The following UBE4B variants were observed in gnomAD, a reference collection of about 807,000 sequenced individuals.
UBE4B encodes ubiquitin conjugation factor E4 B.
UBE4B carries 27 observed loss-of-function variants against 148.1 expected under a neutral mutation model. The ratio of observed to expected loss-of-function variants is 0.18; its 90% CI spans 0.13 to 0.25. UBE4B has a LOEUF of 0.25. Among genes scored for constraint, UBE4B ranks in the 10% least tolerant of loss-of-function variants. The probability of loss-of-function intolerance (pLI) is 1.00; values close to 1 mark genes in which losing one functional copy is unlikely to be tolerated. For synonymous variants in UBE4B, 596 were observed against 619.3 expected, an observed-to-expected ratio of 0.96 and a Z score of 0.56; for missense variants, 1,170 against 1,662.4, an observed-to-expected ratio of 0.70 and a Z score of 5.15.
intron 21 of UBE4B, among the ~76,000 whole-genome samples, chr1:10,152,122 C>T (rs531254128): frequency 2.6e-5 from 4 of 151,742 alleles, no homozygotes; most frequent in East Asian, 3.9e-4. Context: ...TTAAATTAGC[C>T]GGGCATGGTT....
rs33997625 is a variant in UBE4B, at chr1:10,102,391, C to CTTTTTTTTTTTTT, written c.436-532_436-520dup. On this transcript the variant is annotated intron_variant, in intron 4 of 27. Transcript: ENST00000343090. ...GGTGACTTTTGATAATGACTTTGCT[C>CTTTTTTTTTTTTT]TTTTTTTTTTTTTTTTTTTTTTTTT... is the stretch of plus-strand genomic sequence containing the variant. Among the ~76,000 whole-genome samples the CTTTTTTTTTTTTT allele has an allele frequency of 1.7e-4, 9 of 51,566 alleles. 2 individuals are homozygous for CTTTTTTTTTTTTT. The highest frequency in any genetic ancestry group is 6.3e-4 in the Admixed American group (2 of 3,180). 33.8% of individuals were successfully genotyped at this position (51,566 alleles called of 152,430 possible).
chr1:10,060,419 A>G (rs1228686314), intron 1 of UBE4B, among the ~76,000 whole-genome samples: 1 of 152,126 alleles, frequency 6.6e-6, no homozygotes, highest in East Asian at 1.9e-4. Flanking sequence ...AAGGAACAGT[A>G]AAAATATGGT....
intron 7 of UBE4B, among the ~76,000 whole-genome samples, chr1:10,107,947 A>C (rs1645144906): frequency 6.6e-6 from 1 of 152,172 alleles, no homozygotes; most frequent in African/African-American, 2.4e-5. Flanking sequence ...TTTCAAAAGC[A>C]TGAAAACAGA....
chr1:10,103,292 A>G (rs1645045866), intron 5 of UBE4B, 200 bp downstream of exon 5: 1 of 431,712 alleles, frequency 2.3e-6, no homozygotes, highest in African/African-American at 1.9e-5. Flanking sequence ...CTTATTTTTC[A>G]TTTCCATGAT....
At chr1:10,085,441 G>T (rs999314755) in intron 2 of UBE4B, among the ~76,000 whole-genome samples, 8 of 152,178 alleles carry the variant, frequency 5.3e-5, no homozygotes, top group African/African-American at 1.9e-4. Flanking sequence ...GTTCAACCCT[G>T]ACCTGAGGGG....
chr1:10,105,311 C>A (rs1009507200), intron 5 of UBE4B, among the ~76,000 whole-genome samples: 7 of 152,158 alleles, frequency 4.6e-5, no homozygotes, highest in Non-Finnish European at 7.3e-5. Context: ...TCTTATATAA[C>A]CATGGTACAT....
At chr1:10,138,859 T>C (rs952056305) in intron 17 of UBE4B, among the ~76,000 whole-genome samples, 4 of 152,222 alleles carry the variant, frequency 2.6e-5, no homozygotes, top group African/African-American at 9.6e-5. Context: ...GACTAGACTT[T>C]TTTCTTCTCT....
At chr1:10,047,278 T>C (rs1643931699) in intron 1 of UBE4B, among the ~76,000 whole-genome samples, 4 of 152,006 alleles carry the variant, frequency 2.6e-5, no homozygotes, top group South Asian at 4.1e-4. Context: ...AAAATCTGGG[T>C]AGGTGGCTGA....
At chr1:10,063,656 A>G (rs1266862751) in intron 1 of UBE4B, among the ~76,000 whole-genome samples, 2 of 152,076 alleles carry the variant, frequency 1.3e-5, no homozygotes, top group African/African-American at 2.4e-5. Flanking sequence ...TGTAATTCCA[A>G]CACTTTGGGA....
intron 2 of UBE4B, among the ~76,000 whole-genome samples, chr1:10,073,780 T>C (rs1285100567): frequency 2.0e-5 from 3 of 152,104 alleles, no homozygotes; most frequent in Admixed American, 2.0e-4. Context: ...GGTAGACCCT[T>C]GATACTGGCA....
At chr1:10,137,655 G>A (rs905192437) in intron 17 of UBE4B, among the ~76,000 whole-genome samples, 1 of 152,022 alleles carries the variant, frequency 6.6e-6, no homozygotes, top group African/African-American at 2.4e-5. Context: ...TGGCATGAGG[G>A]GTCCAAAATG....
Position 10,137,271 on chromosome 1 carries a change from T to C in UBE4B, c.2363+66T>C, listed in dbSNP as rs536340485. 2.5e-6 allele frequency: 4 copies of C among 1,597,864 alleles called. No homozygotes were observed. In the African/African-American group the frequency reaches 5.4e-5, roughly 21 times the overall value. ...CCACTTTTTCTCAGGGGCAGGCAAT[T>C]CCATTGTGAACAGTAGTTTTGAATG... is the stretch of plus-strand genomic sequence containing the variant. On this transcript the variant is annotated intron_variant, in intron 17 of 27. Transcript: ENST00000343090.
chr1:10,075,174 CA>C (rs145799711), intron 2 of UBE4B, among the ~76,000 whole-genome samples: 2,618 of 152,296 alleles, frequency 0.017, 32 homozygotes, highest in Non-Finnish European at 0.027. Context: ...AGCACAAAAG[CA>C]GCCATAGAAC....
At chr1:10,109,607 TC>T (rs1340609664) in intron 7 of UBE4B, among the ~76,000 whole-genome samples, 1 of 151,890 alleles carries the variant, frequency 6.6e-6, no homozygotes, top group African/African-American at 2.4e-5. Flanking sequence ...AACTTAGGGT[TC>T]TTCTAAGTAG....
chr1:10,141,603 T>A (rs1324232559), intron 17 of UBE4B, among the ~76,000 whole-genome samples: 1 of 152,046 alleles, frequency 6.6e-6, no homozygotes, highest in South Asian at 2.1e-4. Flanking sequence ...AATCTTGCCA[T>A]TTTTTTTCTT....
chr1:10,066,905 C>CA (rs758820734), intron 1 of UBE4B, among the ~76,000 whole-genome samples: 39 of 149,426 alleles, frequency 2.6e-4, no homozygotes, highest in East Asian at 2.5e-3. Flanking sequence ...GACTCCGTCT[C>CA]AAAAAAAAAC....
At chr1:10,149,313 A>G (rs1645933136) in intron 20 of UBE4B, 31 bp downstream of exon 20, 3 of 1,522,390 alleles carry the variant, frequency 2.0e-6, no homozygotes. Flanking sequence ...ACATAGTTCT[A>G]ATATGTTTTT....
chr1:10,131,439 C>G (rs994024963), intron 14 of UBE4B, among the ~76,000 whole-genome samples: 13 of 151,778 alleles, frequency 8.6e-5, no homozygotes, highest in Non-Finnish European at 1.9e-4. Context: ...GAGCCAAGAT[C>G]ACGCCACTGC....
intron 23 of UBE4B, among the ~76,000 whole-genome samples, chr1:10,162,151 A>T (rs1646173620): frequency 6.6e-6 from 1 of 151,874 alleles, no homozygotes; most frequent in Non-Finnish European, 1.5e-5. Context: ...GGCGCCTGCC[A>T]CCACACCTGG....
Sources: gnomAD v4.1 joint callset for allele counts (sites outside exome capture counted in the v4.1 genomes callset) on GRCh38, gnomAD v4.1.1 for gene constraint, MANE v1.5 for transcripts, NCBI Gene and HGNC (gene_info 2026-07-23, HGNC 2026-07-21) for gene names.